The following SCUBE1 variants were observed in gnomAD, a reference collection of about 807,000 sequenced individuals.
SCUBE1 encodes the protein signal peptide, CUB domain and EGF like domain containing 1, also known as signal peptide, CUB and EGF-like domain-containing protein 1.
SCUBE1 carries 59 observed loss-of-function variants against 124.4 expected under a neutral mutation model. The observed-to-expected ratio is 0.47, with a 90% confidence interval of 0.38 to 0.59. The LOEUF (loss-of-function observed/expected upper bound fraction) is 0.59. Among genes scored for constraint, SCUBE1 ranks in the 20% least tolerant of loss-of-function variants. The pLI is 0.00. For synonymous variants in SCUBE1, 545 were observed against 550.9 expected (o/e 0.99, Z 0.15); for missense variants, 1,150 against 1,371.2 (o/e 0.84, Z 2.55).
chr22:43,339,996 C>T (rs1337076702), intron 1 of SCUBE1, among the ~76,000 whole-genome samples: 26 of 116,664 alleles, frequency 2.2e-4, no homozygotes, highest in African/African-American at 8.2e-4. Context: ...ACCCTCCCCC[C>T]ACTCTCCTCA....
At position 43,234,157 on chromosome 22, in the gene SCUBE1, GC is replaced by G. The variant is rs1922666726; in HGVS notation, c.845-2283del. ...AATCTCTATCATTCCTTCCCCCCGA[GC>G]CCCGGGATTATAGGCAGATGGGGAA... On this transcript the variant is annotated intron_variant, in intron 7 of 21. Coordinates refer to ENST00000360835, the MANE Select transcript of SCUBE1 (RefSeq NM_173050.5). The surrounding 1 kb of genome is among the most constrained non-coding windows in gnomAD (Gnocchi z 4.4). Among the ~76,000 whole-genome samples, 2 of 152,174 alleles carry G rather than the reference GC, an allele frequency of 1.3e-5. No homozygotes were observed. Among genetic ancestry groups the G allele is most frequent in the South Asian group, 4.2e-4 (2 of 4,810 alleles).
At chr22:43,218,484 T>C in intron 14 of SCUBE1, 26 bp from the exon 15 acceptor site, 2 of 1,601,586 alleles carry the variant, frequency 1.2e-6, no homozygotes, top group Non-Finnish European at 8.5e-7. Context: ...AGACAGAACA[T>C]GAATCGCTGG....
chr22:43,227,416 G>C lies in SCUBE1; in HGVS notation c.1165C>G (p.Pro389Ala). 3 of 1,612,826 alleles carry C rather than the reference G, an allele frequency of 1.9e-6. No individual in the cohort carries two copies. Among genetic ancestry groups the C allele is most frequent in the Non-Finnish European group, 1.7e-6 (2 of 1,179,840 alleles). ...NTKGSYECVC[P>A]PGRRLHWNGK... is the part of the protein sequence containing the mutation. ...TTCCAGTGGAGCCGCCTCCCCGGGG[G>C]ACAGACGCACTCGTAGCTGCCCTTG... The change falls in exon 10 of 22, where the codon CCC (proline) becomes GCC (alanine). Residue 389 changes from proline (P) to alanine (A), a missense_variant. Coordinates refer to ENST00000360835, the MANE Select transcript of SCUBE1 (RefSeq NM_173050.5).
At position 43,231,881 on chromosome 22, in the gene SCUBE1, G is replaced by T. The variant is rs1359529739; in HGVS notation, c.845-6C>A. 6.2e-7 allele frequency: 1 copy of T among 1,612,002 alleles called. No homozygotes were observed. The highest frequency in any genetic ancestry group is 1.7e-5 in the Admixed American group (1 of 59,998). On this transcript the variant is annotated splice_polypyrimidine_tract_variant and splice_region_variant and intron_variant, in intron 7 of 21. Transcript: ENST00000360835. ...GACCAGGCACTCGTTGATGTCTGTG[G>T]GAGCCAAGGGGGATGGAGGAGTGAG...
At chr22:43,223,630 T>C (rs1057107916) in intron 10 of SCUBE1, among the ~76,000 whole-genome samples, 2 of 152,182 alleles carry the variant, frequency 1.3e-5, no homozygotes, top group South Asian at 4.1e-4. Context: ...GCTACAGCCA[T>C]CAGGTGTCTG....
At chr22:43,321,110 A>G (rs1926534823) in intron 2 of SCUBE1, among the ~76,000 whole-genome samples, 1 of 152,214 alleles carries the variant, frequency 6.6e-6, no homozygotes, top group Non-Finnish European at 1.5e-5. Context: ...TGGAACCGGA[A>G]CCGGAAGTGC....
intron 16 of SCUBE1, among the ~76,000 whole-genome samples, chr22:43,212,931 G>T (rs995739543): frequency 6.6e-6 from 1 of 152,170 alleles, no homozygotes; most frequent in Non-Finnish European, 1.5e-5. Context: ...GTCTCAGAGG[G>T]GCTGTCCCCG....
chr22:43,288,355 G>A (rs543830179), intron 4 of SCUBE1, among the ~76,000 whole-genome samples: 4 of 152,204 alleles, frequency 2.6e-5, no homozygotes, highest in South Asian at 2.1e-4. Flanking sequence ...CGTTCTCCCA[G>A]ATGGCCTCCC....
Position 43,199,809 on chromosome 22 carries a change from TG to T in SCUBE1, c.*4187del. 6.4e-6 allele frequency: 1 copy of T among 155,274 alleles called. No homozygotes were observed. The highest frequency in any genetic ancestry group is 1.4e-5 in the Non-Finnish European group (1 of 69,830). The allele number at this position is 155,274 out of a possible 1,614,324, so 9.6% of individuals were successfully genotyped here. On this transcript the variant is annotated 3_prime_UTR_variant, in exon 22 of 22. Coordinates refer to ENST00000360835, the MANE Select transcript of SCUBE1 (RefSeq NM_173050.5). ...TGTGAGGCTCTGGCGCGGGGAAAGA[TG>T]GGGAGAGGCTCTGGCATGGGGAAGG... is the stretch of plus-strand genomic sequence containing the variant.
Position 43,210,068 on chromosome 22 carries a change from G to A in SCUBE1, c.2556C>T (p.Gly852=), listed in dbSNP as rs1391061004. 3.1e-6 allele frequency: 5 copies of A among 1,611,740 alleles called. No homozygotes were observed. Among genetic ancestry groups the A allele is most frequent in the South Asian group, 1.1e-5 (1 of 90,926 alleles). ...EIFLPIEDEC[G]DVLVMRKSAS... is the part of the protein sequence containing the mutation. ...CACTCTTCCTCATGACCAGAACATC[G>A]CCGCACTCATCCTCGATGGGCAGGA... The change falls in exon 19 of 22, where the codon GGC becomes GGT. Residue 852 remains glycine, a synonymous_variant. Coordinates refer to ENST00000360835, the MANE Select transcript of SCUBE1 (RefSeq NM_173050.5). The surrounding 1 kb of genome is among the most constrained non-coding windows in gnomAD (Gnocchi z 4.5).
intron 5 of SCUBE1, among the ~76,000 whole-genome samples, chr22:43,261,237 C>T (rs1348734886): frequency 6.6e-6 from 1 of 152,234 alleles, no homozygotes; most frequent in Non-Finnish European, 1.5e-5. Context: ...AGGAATCCAT[C>T]TGGTGTGGAG....
At chr22:43,208,351 C>T (rs1601793719) in intron 19 of SCUBE1, 127 bp from the exon 20 acceptor site, 2 of 846,506 alleles carry the variant, frequency 2.4e-6, no homozygotes, top group Non-Finnish European at 3.8e-6. Flanking sequence ...AACACAACGG[C>T]TTAGTCTTTG....
At chr22:43,281,514 A>ACCTCCCTCTTTG (rs1924880651) in intron 4 of SCUBE1, among the ~76,000 whole-genome samples, 3 of 51,430 alleles carry the variant, frequency 5.8e-5, no homozygotes, top group Non-Finnish European at 3.4e-5. Context: ...CCTCCTCCTC[A>ACCTCCCTCTTTG]GCCACCCTCC....
At chr22:43,298,920 C>A (rs979907041) in intron 3 of SCUBE1, among the ~76,000 whole-genome samples, 4 of 151,998 alleles carry the variant, frequency 2.6e-5, no homozygotes, top group African/African-American at 7.2e-5. Flanking sequence ...GGCATGGTGG[C>A]GGGTGCCTGT....
At chr22:43,276,719 G>A (rs563556844) in intron 4 of SCUBE1, among the ~76,000 whole-genome samples, 1 of 152,308 alleles carries the variant, frequency 6.6e-6, no homozygotes, top group South Asian at 2.1e-4. Flanking sequence ...TGTGGGCTAC[G>A]GTGTAGGGGG....
chr22:43,275,666 G>A lies in SCUBE1; in HGVS notation c.485-12821C>T, dbSNP rs368970885. Among the ~76,000 whole-genome samples, 16 of 152,352 alleles carry A rather than the reference G, an allele frequency of 1.1e-4. No individual in the cohort carries two copies. In the South Asian group the frequency reaches 1.7e-3, roughly 16 times the overall value. On this transcript the variant is annotated intron_variant, in intron 4 of 21. Transcript: ENST00000360835. ...GAAAGTGCGCTGGGTTTTGATGGAT[G>A]ACTAAGAGTTCTCCAGGAAGGGAGG...
In SCUBE1 at chr22:43,244,935, T is replaced by C. The variant is rs545766945; in HGVS notation, c.728-5981A>G. On this transcript the variant is annotated intron_variant, in intron 6 of 21. Transcript: ENST00000360835. ...CAGGGCTGGCCCACCTGCCCTTCTG[T>C]CCCTAGAATCAACAGAAGCTGCGGT... Among the ~76,000 whole-genome samples the C allele has an allele frequency of 3.3e-5, 5 of 152,304 alleles. No homozygotes were observed. In the South Asian group the frequency reaches 8.3e-4, roughly 25 times the overall value.
chr22:43,208,199 ATAGG>A lies in SCUBE1; in HGVS notation c.2603_2606del (p.Thr868MetfsTer50). 6.2e-7 allele frequency: 1 copy of A among 1,614,082 alleles called. No homozygotes were observed. Among genetic ancestry groups the A allele is most frequent in the Non-Finnish European group, 8.5e-7 (1 of 1,179,988 alleles). On this transcript the variant is annotated frameshift_variant, in exon 20 of 22. Coordinates refer to ENST00000360835, the MANE Select transcript of SCUBE1 (RefSeq NM_173050.5). LOFTEE classifies it high-confidence loss of function. ...GCCTCTCGTAGGTCTGGCAGGTCTC[ATAGG>A]TGGTGATGGACGTGGGAGAGGCTGC... is the stretch of plus-strand genomic sequence containing the variant.
At chr22:43,208,359 T>C in intron 19 of SCUBE1, 135 bp from the exon 20 acceptor site, 1 of 779,486 alleles carries the variant, frequency 1.3e-6, no homozygotes, top group Non-Finnish European at 2.1e-6. Context: ...GGCTTAGTCT[T>C]TGTGCTTGCT....
Sources: gnomAD v4.1 joint callset for allele counts (sites outside exome capture counted in the v4.1 genomes callset) on GRCh38, gnomAD v4.1.1 for gene constraint, Gnocchi (gnomAD v3.1) non-coding constraint, MANE v1.5 for transcripts, NCBI Gene and HGNC (gene_info 2026-07-23, HGNC 2026-07-21) for gene names.